Variants in CELSR1 observed in about 807,000 individuals in gnomAD.
CELSR1 encodes the protein cadherin EGF LAG seven-pass G-type receptor 1.
In CELSR1, 110 loss-of-function variants were observed where a neutral mutation model predicts 249.1. That is an observed-to-expected ratio of 0.44 (90% confidence interval 0.38 to 0.52). The LOEUF is 0.52. Among genes scored for constraint, CELSR1 ranks in the 20% least tolerant of loss-of-function variants. The probability of loss-of-function intolerance (pLI) is 0.00; values close to 1 mark genes in which losing one functional copy is unlikely to be tolerated. For synonymous variants in CELSR1, 2,113 were observed against 1,900.0 expected (o/e 1.11, Z -2.92); for missense variants, 4,109 against 4,296.4 (o/e 0.96, Z 1.22).
intron 1 of CELSR1, among the ~76,000 whole-genome samples, chr22:46,529,592 C>T (rs1279761352): frequency 6.6e-6 from 1 of 151,890 alleles, no homozygotes; most frequent in Non-Finnish European, 1.5e-5. Flanking sequence ...CACTTGAGGT[C>T]AGGAGTTCGA....
Position 46,472,049 on chromosome 22 carries a change from C to G in CELSR1, c.3545-7704G>C, listed in dbSNP as rs925025597. On this transcript the variant is annotated intron_variant, in intron 1 of 34. Coordinates refer to ENST00000674500, the MANE Select transcript of CELSR1 (RefSeq NM_001378328.1). This position sits in a 1 kb window ranked among gnomAD's most constrained non-coding sequence, Gnocchi z 7.0. Reference sequence around the variant, plus strand: ...CTCTCTGCCCGTGCTCCAGGCATTCCTCCCAGGCCTGGAGCGGCTCCGCGG... The same window carrying G: ...CTCTCTGCCCGTGCTCCAGGCATTCGTCCCAGGCCTGGAGCGGCTCCGCGG... Among the ~76,000 whole-genome samples, 5 of 152,200 alleles carry G rather than the reference C, an allele frequency of 3.3e-5. No individual in the cohort carries two copies. The highest frequency in any genetic ancestry group is 5.9e-5 in the Non-Finnish European group (4 of 68,036).
chr22:46,472,697 G>A lies in CELSR1; in HGVS notation c.3545-8352C>T, dbSNP rs2080168139. On this transcript the variant is annotated intron_variant, in intron 1 of 34. Transcript: ENST00000674500. This position sits in a 1 kb window ranked among gnomAD's most constrained non-coding sequence, Gnocchi z 7.0. ...ACAGGACATTCACTCTCTCCGTTTTGGAGGCCAGGGATCTGAAATTCAGGT... is the reference window on the plus strand; with the variant it reads ...ACAGGACATTCACTCTCTCCGTTTTAGAGGCCAGGGATCTGAAATTCAGGT... 6.6e-6 allele frequency among the ~76,000 whole-genome samples: 1 copy of A among 152,212 alleles called. No homozygotes were observed. The highest frequency in any genetic ancestry group is 2.4e-5 in the African/African-American group (1 of 41,460).
intron 2 of CELSR1, among the ~76,000 whole-genome samples, chr22:46,463,109 G>T (rs557089556): frequency 6.6e-6 from 1 of 152,308 alleles, no homozygotes; most frequent in South Asian, 2.1e-4. Flanking sequence ...CTTTTAAGTG[G>T]ATCTCACCCT....
chr22:46,363,008 G>C lies in CELSR1; in HGVS notation c.*215C>G. On this transcript the variant is annotated 3_prime_UTR_variant, in exon 35 of 35. Coordinates refer to ENST00000674500, the MANE Select transcript of CELSR1 (RefSeq NM_001378328.1). The surrounding 1 kb of genome is among the most constrained non-coding windows in gnomAD (Gnocchi z 4.3). ...TTGGCACTTGTCACCAGGTCTGACA[G>C]GCCCTGAGCTCCTGGGAGAACCAAG... 1 of 938,184 alleles carries C rather than the reference G, an allele frequency of 1.1e-6. No individual in the cohort carries two copies. Among genetic ancestry groups the C allele is most frequent in the Non-Finnish European group, 1.6e-6 (1 of 618,746 alleles). 58.1% of individuals were successfully genotyped at this position (938,184 alleles called of 1,614,324 possible). A position where few individuals can be genotyped will look rare whatever the true frequency, so the allele number is the denominator to read the frequency against.
chr22:46,489,020 C>G (rs1390293795), intron 1 of CELSR1, among the ~76,000 whole-genome samples: 1 of 152,054 alleles, frequency 6.6e-6, no homozygotes, highest in Non-Finnish European at 1.5e-5. Context: ...GACATGTCAG[C>G]TCAGACCCCC....
chr22:46,504,119 A>G (rs967458742), intron 1 of CELSR1, among the ~76,000 whole-genome samples: 1 of 152,236 alleles, frequency 6.6e-6, no homozygotes, highest in Non-Finnish European at 1.5e-5. Context: ...ATTATGAAAG[A>G]TATTTGCAAC....
Position 46,364,560 on chromosome 22 carries a change from C to G in CELSR1, c.8731G>C (p.Gly2911Arg). 2 of 1,612,338 alleles carry G rather than the reference C, an allele frequency of 1.2e-6. No individual in the cohort carries two copies. Among genetic ancestry groups the G allele is most frequent in the Non-Finnish European group, 1.7e-6 (2 of 1,179,850 alleles). ...CTGCTAGCAAGCCTGGCTGCGCCCCCGCTCTCCTGGTCCGGGGGGTACTCT... is the reference window on the plus strand; with the variant it reads ...CTGCTAGCAAGCCTGGCTGCGCCCCGGCTCTCCTGGTCCGGGGGGTACTCT... ...RGEYPPDQES[G>R]GAARLASSQP... is the part of the protein sequence containing the mutation. Residue 2911 changes from glycine to arginine, a missense_variant, in exon 33 of 35, where the codon GGG becomes CGG. Around this residue, in one of 7 missense-constraint regions of CELSR1, gnomAD observed 1,805 missense variants for 1,831.6 expected, o/e 0.99. Transcript: ENST00000674500.
In CELSR1 at chr22:46,448,812, A is replaced by T. The variant is rs2079849480; in HGVS notation, c.4184-9401T>A. Among the ~76,000 whole-genome samples, 3 of 152,154 alleles carry T rather than the reference A, an allele frequency of 2.0e-5. No individual in the cohort carries two copies. The highest frequency in any genetic ancestry group is 2.9e-5 in the Non-Finnish European group (2 of 68,014). On this transcript the variant is annotated intron_variant, in intron 2 of 34. Coordinates refer to ENST00000674500, the MANE Select transcript of CELSR1 (RefSeq NM_001378328.1). This position sits in a 1 kb window ranked among gnomAD's most constrained non-coding sequence, Gnocchi z 5.7. ...CCCCATCAAAGAGCTCAGTCCTAAC[A>T]CTGGATCCTAGGATGCAGAAAGCAC...
chr22:46,441,996 A>G lies in CELSR1; in HGVS notation c.4184-2585T>C, dbSNP rs6008830. ...AAACCTCATCTCTACTAAAAATACA[A>G]AATTAGCTGGGTGTGGTGGCACACA... On this transcript the variant is annotated intron_variant, in intron 2 of 34. Coordinates refer to ENST00000674500, the MANE Select transcript of CELSR1 (RefSeq NM_001378328.1). The surrounding 1 kb of genome is among the most constrained non-coding windows in gnomAD (Gnocchi z 6.1). Among the ~76,000 whole-genome samples, 37,513 of 152,094 alleles carry G rather than the reference A, an allele frequency of 0.25. 4,909 individuals carry two copies. The highest frequency in any genetic ancestry group is 0.28 in the South Asian group (1,352 of 4,818).
In CELSR1 at chr22:46,472,616, G is replaced by A. The variant is rs1041666069; in HGVS notation, c.3545-8271C>T. 1.3e-5 allele frequency among the ~76,000 whole-genome samples: 2 copies of A among 152,250 alleles called. No homozygotes were observed. The highest frequency in any genetic ancestry group is 1.9e-4 in the East Asian group (1 of 5,202). On this transcript the variant is annotated intron_variant, in intron 1 of 34. Transcript: ENST00000674500. The surrounding 1 kb of genome is among the most constrained non-coding windows in gnomAD (Gnocchi z 7.0). ...AGCAAAACCAGCAAGGCATGGGGAC[G>A]GGTGGCATCAGCTCCCGGGGCCGTC... is the stretch of plus-strand genomic sequence containing the variant.
In CELSR1 at chr22:46,386,430, C is replaced by G; in HGVS notation, c.6711G>C (p.Arg2237=). 1 of 1,590,938 alleles carries G rather than the reference C, an allele frequency of 6.3e-7. No homozygotes were observed. The highest frequency in any genetic ancestry group is 8.6e-7 in the Non-Finnish European group (1 of 1,169,346). The part of the protein sequence containing the change: ...VARNVRRTYL[R]PFVIVTANMI... ...TGTTGGCGGTGACGATGACGAAGGGCCGCAGGTACGTCCGCCGCACGTTGC... is the reference window on the plus strand; with the variant it reads ...TGTTGGCGGTGACGATGACGAAGGGGCGCAGGTACGTCCGCCGCACGTTGC... Residue 2237 remains arginine, a synonymous_variant, in exon 19 of 35, where the codon CGG becomes CGC. Transcript: ENST00000674500.
rs376054333 is a variant in CELSR1, at chr22:46,364,032, C to G, written c.8999G>C (p.Arg3000Pro). ...GCCATCGGCCTGGGCGCTCCCAGTGCGCACATTCATGGCCACCCCGTTGAG... is the reference window on the plus strand; with the variant it reads ...GCCATCGGCCTGGGCGCTCCCAGTGGGCACATTCATGGCCACCCCGTTGAG... ...DHLNGVAMNVRTGSAQADGSD... is the reference protein window; with the variant it reads ...DHLNGVAMNVPTGSAQADGSD... The change falls in exon 34 of 35, where the codon CGC becomes CCC. Residue 3000 changes from arginine (R) to proline (P), a missense_variant. Physicochemically the swap from Arg to Pro is moderately radical, Grantham distance 103. Around this residue, in one of 7 missense-constraint regions of CELSR1, gnomAD observed 1,805 missense variants for 1,831.6 expected, o/e 0.99. Coordinates refer to ENST00000674500, the MANE Select transcript of CELSR1 (RefSeq NM_001378328.1). The G allele has an allele frequency of 5.6e-6, 9 of 1,610,946 alleles. No homozygotes were observed. Among genetic ancestry groups the G allele is most frequent in the South Asian group, 1.1e-5 (1 of 91,004 alleles).
At position 46,448,499 on chromosome 22, in the gene CELSR1, C is replaced by T. The variant is rs1168687066; in HGVS notation, c.4184-9088G>A. 7.3e-6 allele frequency: 3 copies of T among 411,522 alleles called. No homozygotes were observed. Among genetic ancestry groups the T allele is most frequent in the South Asian group, 1.8e-5 (1 of 54,328 alleles). 25.5% of individuals were successfully genotyped at this position (411,522 alleles called of 1,614,324 possible). Reference sequence around the variant, plus strand: ...GGAACGTGCCCCAGGAGGGGAAGGGCGTGTAAAGATTGACCACTTAAGTTC... The same window carrying T: ...GGAACGTGCCCCAGGAGGGGAAGGGTGTGTAAAGATTGACCACTTAAGTTC... On this transcript the variant is annotated intron_variant, in intron 2 of 34. Transcript: ENST00000674500. This position sits in a 1 kb window ranked among gnomAD's most constrained non-coding sequence, Gnocchi z 5.7.
At chr22:46,470,565 G>A (rs551479296) in intron 1 of CELSR1, among the ~76,000 whole-genome samples, 3 of 152,130 alleles carry the variant, frequency 2.0e-5, no homozygotes, top group Non-Finnish European at 4.4e-5. Context: ...TACAGAACAC[G>A]ATGAGTGCCT....
In CELSR1 at chr22:46,487,548, C is replaced by T. The variant is rs59464696; in HGVS notation, c.3545-23203G>A. 1.6e-4 allele frequency among the ~76,000 whole-genome samples: 4 copies of T among 24,716 alleles called. No individual in the cohort carries two copies. In the East Asian group the frequency reaches 3.9e-3, roughly 24 times the overall value. The allele number at this position is 24,716 out of a possible 152,430, so 16.2% of individuals were successfully genotyped here. A position where few individuals can be genotyped will look rare whatever the true frequency, so the allele number is the denominator to read the frequency against. On this transcript the variant is annotated intron_variant, in intron 1 of 34. Coordinates refer to ENST00000674500, the MANE Select transcript of CELSR1 (RefSeq NM_001378328.1). ...GAGCCCCACGGGGGAGGGGAGTCCA[C>T]GGTGCAGTGCAGGTGGGGGGTGAGG...
rs2080334870 is a variant in CELSR1, at chr22:46,488,278, A to G, written c.3545-23933T>C. Among the ~76,000 whole-genome samples, 1 of 152,010 alleles carries G rather than the reference A, an allele frequency of 6.6e-6. No homozygotes were observed. The highest frequency in any genetic ancestry group is 2.1e-4 in the South Asian group (1 of 4,830). On this transcript the variant is annotated intron_variant, in intron 1 of 34. Transcript: ENST00000674500. This position sits in a 1 kb window ranked among gnomAD's most constrained non-coding sequence, Gnocchi z 4.7. ...TGACCCCCAGATAGTCCCCAGAGCC[A>G]GTGCTACATGGGAAGCCCTGCCCTC... is the stretch of plus-strand genomic sequence containing the variant.
chr22:46,495,862 T>C (rs4322940), intron 1 of CELSR1, among the ~76,000 whole-genome samples: 101,343 of 151,776 alleles, frequency 0.67, 34,962 homozygotes, highest in East Asian at 0.98. Context: ...TTAACCTTAG[T>C]TTACCATAAC....
At chr22:46,382,724 G>C (rs2078992329) in intron 20 of CELSR1, among the ~76,000 whole-genome samples, 1 of 152,200 alleles carries the variant, frequency 6.6e-6, no homozygotes, top group African/African-American at 2.4e-5. Context: ...CCTTCAAAAG[G>C]AGGGGAAGTC....
chr22:46,490,460 T>A lies in CELSR1; in HGVS notation c.3545-26115A>T, dbSNP rs927795939. On this transcript the variant is annotated intron_variant, in intron 1 of 34. Coordinates refer to ENST00000674500, the MANE Select transcript of CELSR1 (RefSeq NM_001378328.1). This position sits in a 1 kb window ranked among gnomAD's most constrained non-coding sequence, Gnocchi z 5.2. ...CACCATCTCGTCTGGCTAATTTTTG[T>A]ATTTTTAGTAGAGACGGGGTTTCAC... Among the ~76,000 whole-genome samples the A allele has an allele frequency of 6.6e-6, 1 of 152,034 alleles. No homozygotes were observed. Among genetic ancestry groups the A allele is most frequent in the Non-Finnish European group, 1.5e-5 (1 of 68,014 alleles).
Sources: gnomAD v4.1 joint callset for allele counts (sites outside exome capture counted in the v4.1 genomes callset) on GRCh38, gnomAD v4.1.1 for gene constraint, gnomAD v4.1.1 regional missense constraint, Gnocchi (gnomAD v3.1) non-coding constraint, MANE v1.5 for transcripts, NCBI Gene and HGNC (gene_info 2026-07-23, HGNC 2026-07-21) for gene names.